Variants in ATF6 observed in about 807,000 individuals in gnomAD.
ATF6 encodes the protein activating transcription factor 6, also known as cyclic AMP-dependent transcription factor ATF-6 alpha.
In ATF6, 53 loss-of-function variants were observed where a neutral mutation model predicts 83.6. That is an observed-to-expected ratio of 0.63 (90% CI 0.51 to 0.80). The LOEUF (loss-of-function observed/expected upper bound fraction) is 0.80. ATF6 is among the 30% of genes least tolerant of loss of function. The pLI, the probability that ATF6 is intolerant of heterozygous loss-of-function variation, is 0.00. For synonymous variants in ATF6, 288 were observed against 285.8 expected, an observed-to-expected ratio of 1.01 and a Z score of -0.08; for missense variants, 744 against 797.9, an observed-to-expected ratio of 0.93 and a Z score of 0.81.
chr1:161,801,286 C>G (rs895716213), intron 6 of ATF6, among the ~76,000 whole-genome samples: 1 of 151,116 alleles, frequency 6.6e-6, no homozygotes, highest in Non-Finnish European at 1.5e-5. Flanking sequence ...TTTTGAATCA[C>G]AGATTTATGT....
chr1:161,878,189 C>T (rs961961654), intron 14 of ATF6, among the ~76,000 whole-genome samples: 1 of 152,116 alleles, frequency 6.6e-6, no homozygotes, highest in Non-Finnish European at 1.5e-5. Flanking sequence ...TCTCAGCCCC[C>T]TGCAACCTCT....
chr1:161,785,605 TA>T (rs1174437594), intron 4 of ATF6, among the ~76,000 whole-genome samples: 2 of 152,320 alleles, frequency 1.3e-5, no homozygotes, highest in African/African-American at 4.8e-5. Flanking sequence ...CAGACCCAAT[TA>T]ACCTGTACAT....
At chr1:161,773,947 G>A (rs992617889) in intron 1 of ATF6, among the ~76,000 whole-genome samples, 5 of 151,930 alleles carry the variant, frequency 3.3e-5, no homozygotes, top group East Asian at 1.9e-4. Context: ...ATAAACGTGC[G>A]TTTTCCTTAT....
At chr1:161,870,616 AGTTACT>A (rs1458228205) in intron 14 of ATF6, among the ~76,000 whole-genome samples, 1 of 151,792 alleles carries the variant, frequency 6.6e-6, no homozygotes, top group Non-Finnish European at 1.5e-5. Context: ...GTTAAATGTG[AGTTACT>A]GTTGTGTGGT....
intron 14 of ATF6, among the ~76,000 whole-genome samples, chr1:161,869,103 G>A (rs1485133688): frequency 6.6e-6 from 1 of 152,006 alleles, no homozygotes; most frequent in African/African-American, 2.4e-5. Flanking sequence ...GACTAGTGGT[G>A]TTATTTGTTC....
intron 14 of ATF6, among the ~76,000 whole-genome samples, chr1:161,873,127 C>T (rs1047683990): frequency 4.6e-5 from 7 of 151,406 alleles, no homozygotes; most frequent in African/African-American, 1.2e-4. Context: ...AATAAAAGAG[C>T]GTATGGAATT....
intron 14 of ATF6, among the ~76,000 whole-genome samples, chr1:161,889,152 G>A (rs183033214): frequency 5.5e-4 from 84 of 152,282 alleles, no homozygotes; most frequent in Middle Eastern, 3.4e-3. Flanking sequence ...GTTAGTATAG[G>A]TATCCTAATA....
chr1:161,810,482 G>A (rs373970922), intron 7 of ATF6, among the ~76,000 whole-genome samples: 1 of 152,190 alleles, frequency 6.6e-6, no homozygotes. Flanking sequence ...TTCGACATGA[G>A]ATTTGGGTAG....
intron 7 of ATF6, among the ~76,000 whole-genome samples, chr1:161,805,079 C>T (rs1348084506): frequency 6.6e-6 from 1 of 152,140 alleles, no homozygotes; most frequent in Non-Finnish European, 1.5e-5. Context: ...TCCCCCAGTT[C>T]TTCAACGTTA....
chr1:161,893,755 T>C (rs1460540380), intron 14 of ATF6, among the ~76,000 whole-genome samples: 2 of 152,232 alleles, frequency 1.3e-5, no homozygotes, highest in Non-Finnish European at 1.5e-5. Flanking sequence ...TAATGGACAA[T>C]GTAAGGGAAG....
At chr1:161,929,478 G>A (rs1250492810) in intron 15 of ATF6, among the ~76,000 whole-genome samples, 1 of 152,076 alleles carries the variant, frequency 6.6e-6, no homozygotes, top group African/African-American at 2.4e-5. Context: ...CATCTGTGTG[G>A]CAGAGCCTAG....
chr1:161,789,436 T>C (rs1387511907), intron 4 of ATF6, among the ~76,000 whole-genome samples: 3 of 151,918 alleles, frequency 2.0e-5, no homozygotes, highest in African/African-American at 2.4e-5. Context: ...GTGCCTGGCT[T>C]GAAATATTTA....
In ATF6 at chr1:161,791,526, G is replaced by A; in HGVS notation, c.473G>A (p.Arg158Lys). The change falls in exon 5 of 16, where the codon AGG (arginine) becomes AAG (lysine). Residue 158 changes from arginine to lysine, a missense_variant. Transcript: ENST00000367942. The part of the protein sequence containing the change: ...LKEDKPVTGP[R>K]NKTENGLTPK... ...GAAGATAAGCCTGTCACTGGTCCTA[G>A]GAACAAGACTGGTATTACTCTATCT... The A allele has an allele frequency of 1.2e-6, 2 of 1,608,940 alleles. No homozygotes were observed. The highest frequency in any genetic ancestry group is 1.7e-6 in the Non-Finnish European group (2 of 1,178,992).
intron 14 of ATF6, among the ~76,000 whole-genome samples, chr1:161,893,053 T>C (rs1687591781): frequency 6.6e-6 from 1 of 152,248 alleles, no homozygotes; most frequent in African/African-American, 2.4e-5. Flanking sequence ...AAGTTCAGCA[T>C]TTCCAGATTT....
intron 1 of ATF6, among the ~76,000 whole-genome samples, chr1:161,773,138 G>GTCTTTTTTTTTTT (rs1170525204): frequency 8.0e-6 from 1 of 125,152 alleles, no homozygotes; most frequent in Admixed American, 9.7e-5. Flanking sequence ...GCTACTTTTT[G>GTCTTTTTTTTTTT]TATTTTTTTT....
chr1:161,944,249 A>T (rs1688706204), intron 15 of ATF6, among the ~76,000 whole-genome samples: 1 of 152,192 alleles, frequency 6.6e-6, no homozygotes, highest in Non-Finnish European at 1.5e-5. Flanking sequence ...ATTTTTCATC[A>T]GTTACTATAT....
At chr1:161,936,682 G>C (rs1220700404) in intron 15 of ATF6, among the ~76,000 whole-genome samples, 3 of 152,040 alleles carry the variant, frequency 2.0e-5, no homozygotes, top group Non-Finnish European at 4.4e-5. Flanking sequence ...ATCAGCATGT[G>C]TTTAATATCC....
chr1:161,863,696 C>G lies in ATF6; in HGVS notation c.1719+384C>G, dbSNP rs567006203. On this transcript the variant is annotated intron_variant, in intron 14 of 15. Transcript: ENST00000367942. ...CATTTGGTTATTGAGAAACAGACTT[C>G]TGAAATGTAGGTTTGAGATGGATCA... Among the ~76,000 whole-genome samples the G allele has an allele frequency of 5.3e-5, 8 of 152,242 alleles. No individual in the cohort carries two copies. The South Asian group carries it at 6.2e-4, about 12-fold the overall frequency.
chr1:161,926,441 C>T lies in ATF6; in HGVS notation c.1804+14061C>T, dbSNP rs527911560. ...TTGATTGGGTCTCAGGGATGTGCCT[C>T]CACATTCACTCACGCAGCAGGTGGC... On this transcript the variant is annotated intron_variant, in intron 15 of 15. Coordinates refer to ENST00000367942, the MANE Select transcript of ATF6 (RefSeq NM_007348.4). Among the ~76,000 whole-genome samples the T allele has an allele frequency of 2.0e-5, 3 of 152,248 alleles. No homozygotes were observed. In the South Asian group the frequency reaches 6.2e-4, roughly 32 times the overall value.
Sources: gnomAD v4.1 joint callset for allele counts (sites outside exome capture counted in the v4.1 genomes callset) on GRCh38, gnomAD v4.1.1 for gene constraint, MANE v1.5 for transcripts, NCBI Gene and HGNC (gene_info 2026-07-23, HGNC 2026-07-21) for gene names.